Variants in ATP2B2 observed in about 807,000 individuals in gnomAD.
The protein encoded by ATP2B2 is plasma membrane calcium-transporting ATPase 2.
A neutral mutation model predicts 120.0 loss-of-function variants in ATP2B2; 15 were observed. The observed-to-expected ratio is 0.12, with a 90% CI of 0.08 to 0.19. ATP2B2 has a LOEUF of 0.19. ATP2B2 is among the 10% of genes least tolerant of loss of function. ATP2B2 has a pLI of 1.00. For synonymous variants in ATP2B2, 694 were observed against 700.3 expected (o/e 0.99, Z 0.14); for missense variants, 1,045 against 1,719.8 (o/e 0.61, Z 6.94).
chr3:10,667,399 CCTGAGACTGCCCTTT>C (rs1249251130), intron 1 of ATP2B2, among the ~76,000 whole-genome samples: 2 of 152,106 alleles, frequency 1.3e-5, no homozygotes, highest in East Asian at 3.8e-4. Context: ...TGGGTGCGTC[CCTGAGACTGCCCTTT>C]CTTCATAAAA....
chr3:10,483,311 C>T (rs960536751), intron 1 of ATP2B2, among the ~76,000 whole-genome samples: 1 of 152,222 alleles, frequency 6.6e-6, no homozygotes, highest in African/African-American at 2.4e-5. Context: ...GCAGGGAGGA[C>T]TCCTAAGGGA....
At chr3:10,582,338 C>T (rs1207346172) in intron 2 of ATP2B2, among the ~76,000 whole-genome samples, 1 of 152,152 alleles carries the variant, frequency 6.6e-6, no homozygotes, top group African/African-American at 2.4e-5. Flanking sequence ...CTGTCTGGTT[C>T]TCTCTGGACT....
intron 1 of ATP2B2, among the ~76,000 whole-genome samples, chr3:10,666,618 C>T (rs182913337): frequency 7.9e-5 from 12 of 152,322 alleles, no homozygotes; most frequent in African/African-American, 2.9e-4. Context: ...GATAAGGAAA[C>T]TTTGAGCAGA....
intron 22 of ATP2B2, among the ~76,000 whole-genome samples, chr3:10,334,866 A>G (rs1383423802): frequency 1.3e-5 from 2 of 152,110 alleles, no homozygotes. Context: ...GGCCCTTTAT[A>G]AAGTTTCAAG....
At chr3:10,505,724 C>A (rs902617124), upstream of ATP2B2, 2 of 65,706 alleles carry the variant, frequency 3.0e-5, no homozygotes, top group African/African-American at 5.8e-5. Context: ...GGGATGGGGG[C>A]GGGAGGAGGG....
intron 2 of ATP2B2, among the ~76,000 whole-genome samples, chr3:10,441,019 C>A (rs925210859): frequency 2.0e-5 from 3 of 152,314 alleles, no homozygotes; most frequent in Admixed American, 6.5e-5. Flanking sequence ...TAACTAGCAT[C>A]GTGGCTAGTA....
intron 3 of ATP2B2, among the ~76,000 whole-genome samples, chr3:10,531,950 C>G (rs534714498): frequency 1.6e-4 from 24 of 152,234 alleles, no homozygotes; most frequent in Middle Eastern, 3.4e-3. Flanking sequence ...CACTTAGGGT[C>G]TGGGTGGCCC....
chr3:10,340,183 C>A lies in ATP2B2; in HGVS notation c.3237+59G>T, dbSNP rs2060234333. ...TTCCTGGGGGTCCTGGATTCTCCATCCAGTGCTGTCTCCCTTGCCCTGCTA... is the reference window on the plus strand; with the variant it reads ...TTCCTGGGGGTCCTGGATTCTCCATACAGTGCTGTCTCCCTTGCCCTGCTA... On this transcript the variant is annotated intron_variant, in intron 21 of 22. Transcript: ENST00000360273. This position sits in a 1 kb window ranked among gnomAD's most constrained non-coding sequence, Gnocchi z 5.0. 2 of 1,524,214 alleles carry A rather than the reference C, an allele frequency of 1.3e-6. No homozygotes were observed. The allele number at this position is 1,524,214 out of a possible 1,614,324, so 94.4% of individuals were successfully genotyped here.
At chr3:10,434,040 A>T (rs1472408155) in intron 2 of ATP2B2, among the ~76,000 whole-genome samples, 1 of 152,226 alleles carries the variant, frequency 6.6e-6, no homozygotes, top group African/African-American at 2.4e-5. Context: ...AAAAAAAAAA[A>T]TGCAGCAGCT....
At chr3:10,534,175 A>G (rs915357560) in intron 2 of ATP2B2, 1 of 152,568 alleles carries the variant, frequency 6.6e-6, no homozygotes, top group Non-Finnish European at 1.5e-5. Flanking sequence ...GGTGGGTGAC[A>G]TGACAGGGAC....
At chr3:10,482,904 G>T (rs1321500581) in intron 1 of ATP2B2, among the ~76,000 whole-genome samples, 2 of 152,248 alleles carry the variant, frequency 1.3e-5, no homozygotes, top group Non-Finnish European at 2.9e-5. Context: ...AGAACAAGGG[G>T]ATTTGCACTC....
chr3:10,582,246 G>A (rs981110181), intron 2 of ATP2B2, among the ~76,000 whole-genome samples: 5 of 152,176 alleles, frequency 3.3e-5, no homozygotes, highest in African/African-American at 7.2e-5. Context: ...TGCTGCAGGG[G>A]CTGCTGAGGG....
chr3:10,545,336 C>A (rs1043223087), intron 2 of ATP2B2, among the ~76,000 whole-genome samples: 3 of 152,082 alleles, frequency 2.0e-5, no homozygotes, highest in Non-Finnish European at 4.4e-5. Flanking sequence ...TCGAGACCAG[C>A]CTGGCCAACA....
chr3:10,673,295 A>G (rs970593215), intron 1 of ATP2B2, among the ~76,000 whole-genome samples: 6 of 152,200 alleles, frequency 3.9e-5, no homozygotes, highest in Non-Finnish European at 7.3e-5. Flanking sequence ...CTCCCAGGAC[A>G]TCGCTGCAAC....
chr3:10,693,950 C>G (rs71316418), intron 1 of ATP2B2, among the ~76,000 whole-genome samples: 6,700 of 152,262 alleles, frequency 0.044, 178 homozygotes, highest in South Asian at 0.13. Context: ...GTGGGCTTAC[C>G]AGGCCAGAGC....
At chr3:10,409,901 CT>C (rs2062548695) in intron 3 of ATP2B2, among the ~76,000 whole-genome samples, 1 of 152,140 alleles carries the variant, frequency 6.6e-6, no homozygotes, top group African/African-American at 2.4e-5. Context: ...TTACAATATC[CT>C]ACTGACTGAA....
chr3:10,678,233 G>T (rs190926576), intron 1 of ATP2B2, among the ~76,000 whole-genome samples: 20 of 152,342 alleles, frequency 1.3e-4, no homozygotes, highest in Middle Eastern at 3.4e-3. Flanking sequence ...ATAAGGAAAA[G>T]ATAATAAAAT....
chr3:10,684,980 A>G (rs769129080), intron 1 of ATP2B2, among the ~76,000 whole-genome samples: 10 of 152,320 alleles, frequency 6.6e-5, no homozygotes, highest in East Asian at 1.9e-4. Flanking sequence ...GGAGAAGATG[A>G]ATGTTCACAG....
intron 1 of ATP2B2, among the ~76,000 whole-genome samples, chr3:10,495,207 T>C (rs2066095777): frequency 6.6e-6 from 1 of 152,180 alleles, no homozygotes; most frequent in African/African-American, 2.4e-5. Flanking sequence ...AATCACCCTA[T>C]TCCCAGTTTG....
Sources: allele counts gnomAD v4.1 joint callset (sites outside exome capture counted in the v4.1 genomes callset), GRCh38; gene constraint gnomAD v4.1.1; non-coding constraint Gnocchi (gnomAD v3.1); transcripts MANE v1.5; gene names NCBI Gene and HGNC (gene_info 2026-07-23, HGNC 2026-07-21).